SAMMSON: variants seen among roughly 807,000 people sequenced by gnomAD.
SAMMSON encodes survival associated mitochondrial melanoma specific oncogenic non-coding RNA.
chr3:70,041,851 A>T (rs1282566892), intron 3 of SAMMSON, among the ~76,000 whole-genome samples: 1 of 152,098 alleles, frequency 6.6e-6, no homozygotes, highest in African/African-American at 2.4e-5. Context: ...CTGTACTTAT[A>T]ATAGGAAGCT....
chr3:70,375,155 T>C (rs1160928385), intron 9 of SAMMSON, among the ~76,000 whole-genome samples: 1 of 152,162 alleles, frequency 6.6e-6, no homozygotes, highest in African/African-American at 2.4e-5. Flanking sequence ...TTTTTTGTTT[T>C]TATATTCTAC....
intron 4 of SAMMSON, among the ~76,000 whole-genome samples, chr3:70,222,651 C>T (rs1701471483): frequency 6.6e-6 from 1 of 152,142 alleles, no homozygotes; most frequent in Non-Finnish European, 1.5e-5. Context: ...TCCTAGGTTA[C>T]TCAGACATCC....
intron 2 of SAMMSON, among the ~76,000 whole-genome samples, chr3:70,405,907 G>A (rs1420770080): frequency 6.6e-6 from 1 of 152,108 alleles, no homozygotes. Flanking sequence ...TCAAGTTTTT[G>A]AAAATTAATG....
At chr3:70,059,396 A>C (rs2067179403) in intron 3 of SAMMSON, among the ~76,000 whole-genome samples, 1 of 152,056 alleles carries the variant, frequency 6.6e-6, no homozygotes, top group Non-Finnish European at 1.5e-5. Flanking sequence ...GGAGTTGAGA[A>C]TTCCCATGAT....
At chr3:70,355,190 G>T (rs947714544) in intron 8 of SAMMSON, among the ~76,000 whole-genome samples, 1 of 152,078 alleles carries the variant, frequency 6.6e-6, no homozygotes, top group African/African-American at 2.4e-5. Flanking sequence ...TGACGCTGGA[G>T]ATCTGGTTGA....
chr3:70,356,627 T>C (rs1434417431), intron 8 of SAMMSON, among the ~76,000 whole-genome samples: 1 of 152,198 alleles, frequency 6.6e-6, no homozygotes, highest in Non-Finnish European at 1.5e-5. Flanking sequence ...TACTTGTCCT[T>C]TTGTTTTTTA....
chr3:70,170,254 G>GTT (rs895894174), intron 4 of SAMMSON, among the ~76,000 whole-genome samples: 4 of 149,962 alleles, frequency 2.7e-5, no homozygotes, highest in Non-Finnish European at 5.9e-5. Flanking sequence ...TGTAGGAAAG[G>GTT]TTTTTTTTTC....
chr3:70,346,785 A>G (rs1363563032), intron 7 of SAMMSON, among the ~76,000 whole-genome samples: 1 of 152,204 alleles, frequency 6.6e-6, no homozygotes, highest in East Asian at 1.9e-4. Context: ...GTTTTCAAGA[A>G]CAAAATTGGG....
At chr3:70,016,177 C>T (rs555992615) in intron 3 of SAMMSON, among the ~76,000 whole-genome samples, 3 of 152,294 alleles carry the variant, frequency 2.0e-5, no homozygotes, top group African/African-American at 4.8e-5. Context: ...TACAGTCCCA[C>T]CAGCAGTGTA....
At chr3:70,154,851 G>A (rs1467664128) in intron 4 of SAMMSON, among the ~76,000 whole-genome samples, 1 of 151,938 alleles carries the variant, frequency 6.6e-6, no homozygotes, top group Non-Finnish European at 1.5e-5. Flanking sequence ...CTATGGAGAG[G>A]GGCATCCCCA....
chr3:70,374,924 A>G (rs1702999827), intron 9 of SAMMSON, among the ~76,000 whole-genome samples: 1 of 152,070 alleles, frequency 6.6e-6, no homozygotes, highest in Admixed American at 6.6e-5. Context: ...GCTGTGGCTT[A>G]TTCATCTTAA....
chr3:70,038,948 C>T (rs1368102918), intron 3 of SAMMSON, among the ~76,000 whole-genome samples: 5 of 152,076 alleles, frequency 3.3e-5, no homozygotes, highest in Non-Finnish European at 7.4e-5. Flanking sequence ...CCGGAGCTAA[C>T]AGGGAGTATC....
Position 70,079,980 on chromosome 3 carries a change from C to T in SAMMSON, n.507+8415C>T, listed in dbSNP as rs77183162. ...GCCCAGCTCCTTTGAACTATTCTGT[C>T]ATGCAATTTATGCTCCCGAATGCCT... On this transcript the variant is annotated intron_variant and non_coding_transcript_variant, in intron 4 of 9. Transcript: ENST00000642114. Among the ~76,000 whole-genome samples the T allele has an allele frequency of 2.6e-3, 396 of 152,332 alleles. 2 individuals are homozygous for T. The highest frequency in any genetic ancestry group is 9.2e-3 in the African/African-American group (384 of 41,568).
At chr3:70,133,358 G>C (rs2067491890) in intron 4 of SAMMSON, among the ~76,000 whole-genome samples, 1 of 152,202 alleles carries the variant, frequency 6.6e-6, no homozygotes, top group Admixed American at 6.5e-5. Context: ...ACACATGCAG[G>C]ATGACCTGCT....
chr3:70,287,825 G>C (rs1315177275), intron 6 of SAMMSON, among the ~76,000 whole-genome samples: 7 of 151,226 alleles, frequency 4.6e-5, no homozygotes, highest in Non-Finnish European at 7.4e-5. Context: ...ATTTCTTCTA[G>C]ATTTTCTAGT....
chr3:70,361,181 T>C (rs1337915093), intron 9 of SAMMSON, among the ~76,000 whole-genome samples: 2 of 152,124 alleles, frequency 1.3e-5, no homozygotes, highest in Non-Finnish European at 2.9e-5. Flanking sequence ...TCATTTTCTC[T>C]TTGAAAACCC....
intron 4 of SAMMSON, among the ~76,000 whole-genome samples, chr3:70,245,049 A>G (rs1205393084): frequency 2.0e-5 from 3 of 152,130 alleles, no homozygotes; most frequent in Non-Finnish European, 4.4e-5. Context: ...TGGAATTGCA[A>G]TCAGGGATTT....
intron 4 of SAMMSON, among the ~76,000 whole-genome samples, chr3:70,098,208 T>G (rs577116570): frequency 6.6e-6 from 1 of 152,184 alleles, no homozygotes; most frequent in Non-Finnish European, 1.5e-5. Context: ...AGTCAGCATC[T>G]TGTCCAAACC....
At chr3:70,058,464 A>C (rs2107591120) in intron 3 of SAMMSON, among the ~76,000 whole-genome samples, 1 of 152,156 alleles carries the variant, frequency 6.6e-6, no homozygotes, top group African/African-American at 2.4e-5. Context: ...TCATGAAGCT[A>C]TGGGGAAAAT....
Sources: gnomAD v4.1 joint callset for allele counts (sites outside exome capture counted in the v4.1 genomes callset) on GRCh38, gnomAD v4.1.1 for gene constraint, MANE v1.5 for transcripts, NCBI Gene and HGNC (gene_info 2026-07-23, HGNC 2026-07-21) for gene names.